The following NATD1 variants were observed in gnomAD, a reference collection of about 807,000 sequenced individuals.
NATD1 encodes N-acetyltransferase domain containing 1.
A neutral mutation model predicts 12.0 loss-of-function variants in NATD1; 9 were observed. That is an observed-to-expected ratio of 0.75 (90% CI 0.45 to 1.30). NATD1 has a LOEUF of 1.30. Ranked by LOEUF, NATD1 falls within the 50% of genes most tolerant of loss-of-function variation. The probability of loss-of-function intolerance (pLI) is 0.00; values close to 1 mark genes in which losing one functional copy is unlikely to be tolerated. For missense variants in NATD1, 148 were observed against 148.5 expected, an observed-to-expected ratio of 1.00 and a Z score of 0.02; for synonymous variants, 71 against 65.9, an observed-to-expected ratio of 1.08 and a Z score of -0.37.
Position 21,243,317 on chromosome 17 carries a change from G to C in NATD1, c.338C>G (p.Pro113Arg). 6.2e-7 allele frequency: 1 copy of C among 1,611,892 alleles called. No individual in the cohort carries two copies. Among genetic ancestry groups the C allele is most frequent in the Non-Finnish European group, 8.5e-7 (1 of 1,179,806 alleles). The change falls in exon 3 of 3, where the codon CCG (proline) becomes CGG (arginine). Residue 113 changes from proline (P) to arginine (R), a missense_variant. Pro to Arg is a moderately radical substitution (Grantham distance 103). Coordinates refer to ENST00000611551, the MANE Select transcript of NATD1 (RefSeq NM_152914.3). Reference protein sequence around the residue: ...PLPQYLERLQP With the variant: ...PLPQYLERLQR ...GCTCCCGCCTGCAGGCCAGGGTTAC[G>C]GCTGCAGGCGCTCCAGGTACTGCGG...
intron 1 of NATD1, among the ~76,000 whole-genome samples, chr17:21,247,427 G>C (rs1455917750): frequency 6.6e-6 from 1 of 152,086 alleles, no homozygotes; most frequent in Non-Finnish European, 1.5e-5. Context: ...AGCGTGTGCA[G>C]CCCCAGCACA....
In NATD1 at chr17:21,244,079, C is replaced by T. The variant is rs778324380; in HGVS notation, c.225+27G>A. 1 of 1,593,890 alleles carries T rather than the reference C, an allele frequency of 6.3e-7. No individual in the cohort carries two copies. Among genetic ancestry groups the T allele is most frequent in the South Asian group, 1.1e-5 (1 of 88,562 alleles). On this transcript the variant is annotated intron_variant, in intron 2 of 2. Coordinates refer to ENST00000611551, the MANE Select transcript of NATD1 (RefSeq NM_152914.3). The surrounding 1 kb of genome is among the most constrained non-coding windows in gnomAD (Gnocchi z 5.2). ...GGCAGCCCCCATGTCCCCGTCCCCG[C>T]TTGGCCCTGCCACCTGCCTGCCCTA...
rs750511471 is a variant in NATD1, at chr17:21,243,376, C to A, written c.279G>T (p.Trp93Cys). 2 of 1,613,574 alleles carry A rather than the reference C, an allele frequency of 1.2e-6. No homozygotes were observed. Among genetic ancestry groups the A allele is most frequent in the Non-Finnish European group, 8.5e-7 (1 of 1,179,972 alleles). ...TCTCCTTGACGTACTTCTGGATGTA[C>A]CAGCAGGTGAGATGGGCCTTCAGGT... ...EEDLKAHLTC[W>C]YIQKYVKENP... Residue 93 changes from tryptophan to cysteine, a missense_variant, in exon 3 of 3, where the codon TGG becomes TGT. By Grantham distance (215) the Trp-to-Cys change is radical. Coordinates refer to ENST00000611551, the MANE Select transcript of NATD1 (RefSeq NM_152914.3).
intron 1 of NATD1, among the ~76,000 whole-genome samples, chr17:21,249,199 G>A (rs900955994): frequency 6.6e-6 from 1 of 152,152 alleles, no homozygotes; most frequent in Admixed American, 6.5e-5. Context: ...GACCCCGCAA[G>A]GAGAGCTGGC....
intron 1 of NATD1, among the ~76,000 whole-genome samples, chr17:21,251,445 G>GC: frequency 6.6e-6 from 1 of 152,256 alleles, no homozygotes; most frequent in South Asian, 2.1e-4. Flanking sequence ...AGTCGCCAGG[G>GC]CCCCGAGTGT....
chr17:21,243,623 C>T (rs568428079), intron 2 of NATD1, among the ~76,000 whole-genome samples, 194 bp from the exon 3 acceptor site: 2 of 152,296 alleles, frequency 1.3e-5, no homozygotes, highest in South Asian at 4.1e-4. Flanking sequence ...AAACACATCA[C>T]CTCTCCCCTA....
At position 21,239,111 on chromosome 17, in the gene NATD1, A is replaced by C. The variant is rs1333284958; in HGVS notation, c.*4202T>G. On this transcript the variant is annotated 3_prime_UTR_variant, in exon 3 of 3. Transcript: ENST00000611551. ...CAAGAACCCTGAACTGAGGAAGAGC[A>C]GTGTGAGTACATGGTCAGGGGCTCC... 1 of 152,148 alleles carries C rather than the reference A, an allele frequency of 6.6e-6. No homozygotes were observed. Among genetic ancestry groups the C allele is most frequent in the East Asian group, 1.9e-4 (1 of 5,196 alleles). 9.4% of individuals were successfully genotyped at this position (152,148 alleles called of 1,614,324 possible). A position where few individuals can be genotyped will look rare whatever the true frequency, so the allele number is the denominator to read the frequency against.
At chr17:21,250,996 A>T (rs1975369966) in intron 1 of NATD1, among the ~76,000 whole-genome samples, 1 of 152,014 alleles carries the variant, frequency 6.6e-6, no homozygotes, top group Admixed American at 6.6e-5. Context: ...CTGGGCTCAG[A>T]CTCAGACGAC....
intron 1 of NATD1, among the ~76,000 whole-genome samples, chr17:21,252,796 C>A (rs1464534943): frequency 6.6e-6 from 1 of 152,156 alleles, no homozygotes; most frequent in South Asian, 2.1e-4. Context: ...TGGGCCTGAG[C>A]AGGTGCGGGT....
chr17:21,243,489 T>C (rs769023571), intron 2 of NATD1, 60 bp from the exon 3 acceptor site: 35 of 1,362,860 alleles, frequency 2.6e-5, no homozygotes, highest in East Asian at 1.1e-4. Context: ...GAAGGTAGCA[T>C]TGTCTGCTGC....
intron 1 of NATD1, among the ~76,000 whole-genome samples, chr17:21,251,310 A>AC (rs1356346483): frequency 6.6e-6 from 1 of 151,744 alleles, no homozygotes; most frequent in Non-Finnish European, 1.5e-5. Context: ...AAAAAAAAAA[A>AC]ACAAACGTAT....
intron 1 of NATD1, among the ~76,000 whole-genome samples, chr17:21,251,304 A>AC (rs1450009885): frequency 2.6e-5 from 4 of 151,726 alleles, no homozygotes; most frequent in African/African-American, 4.8e-5. Flanking sequence ...AAAAAAAAAA[A>AC]AAAAAAACAA....
chr17:21,243,090 A>C lies in NATD1; in HGVS notation c.*223T>G, dbSNP rs975950225. The C allele has an allele frequency of 4.0e-6, 2 of 502,314 alleles. No individual in the cohort carries two copies. The highest frequency in any genetic ancestry group is 3.8e-5 in the African/African-American group (2 of 52,066). The allele number at this position is 502,314 out of a possible 1,614,324, so 31.1% of individuals were successfully genotyped here. On this transcript the variant is annotated 3_prime_UTR_variant, in exon 3 of 3. Transcript: ENST00000611551. ...AAGCCGCTGGTCTCTGCAGAGTGAGAGGTGCCGGGACTACCTGGCCTCCTT... is the reference window on the plus strand; with the variant it reads ...AAGCCGCTGGTCTCTGCAGAGTGAGCGGTGCCGGGACTACCTGGCCTCCTT...
chr17:21,252,555 G>GA (rs1245540775), intron 1 of NATD1, among the ~76,000 whole-genome samples: 1 of 152,184 alleles, frequency 6.6e-6, no homozygotes, highest in African/African-American at 2.4e-5. Flanking sequence ...CAGAGCCACT[G>GA]AAGTCTTGAT....
Position 21,240,588 on chromosome 17 carries a change from G to C in NATD1, c.*2725C>G, listed in dbSNP as rs1053979192. ...CGCCGGCCCTGAGGAGGGAAGGCAC[G>C]AGTCACTGCCTATTTTGACCCGGCA... On this transcript the variant is annotated 3_prime_UTR_variant, in exon 3 of 3. Transcript: ENST00000611551. 4 of 152,628 alleles carry C rather than the reference G, an allele frequency of 2.6e-5. No individual in the cohort carries two copies. In the East Asian group the frequency reaches 7.7e-4, roughly 29 times the overall value. 9.5% of individuals were successfully genotyped at this position (152,628 alleles called of 1,614,324 possible). A position where few individuals can be genotyped will look rare whatever the true frequency, so the allele number is the denominator to read the frequency against.
chr17:21,245,699 C>A (rs1317871314), intron 1 of NATD1, among the ~76,000 whole-genome samples: 1 of 152,218 alleles, frequency 6.6e-6, no homozygotes, highest in African/African-American at 2.4e-5. Context: ...TTCTGCTCCA[C>A]CGACACACCT....
chr17:21,242,348 A>C lies in NATD1; in HGVS notation c.*965T>G, dbSNP rs1292637875. 6.6e-6 allele frequency: 1 copy of C among 152,262 alleles called. No homozygotes were observed. The allele number at this position is 152,262 out of a possible 1,614,324, so 9.4% of individuals were successfully genotyped here. On this transcript the variant is annotated 3_prime_UTR_variant, in exon 3 of 3. Coordinates refer to ENST00000611551, the MANE Select transcript of NATD1 (RefSeq NM_152914.3). ...TAGCCAGCCACAAAAGAGGACACTGATGTCTGGCAGCAGCACAGAAACCCC... is the reference window on the plus strand; with the variant it reads ...TAGCCAGCCACAAAAGAGGACACTGCTGTCTGGCAGCAGCACAGAAACCCC...
Position 21,244,029 on chromosome 17 carries a change from G to A in NATD1, c.225+77C>T. ...GAAGCAGGCTGAAGTGGCCACCAGG[G>A]CCACCGTCTCCTCGGAGCGAAGGTG... is the stretch of plus-strand genomic sequence containing the variant. On this transcript the variant is annotated intron_variant, in intron 2 of 2. Coordinates refer to ENST00000611551, the MANE Select transcript of NATD1 (RefSeq NM_152914.3). The surrounding 1 kb of genome is among the most constrained non-coding windows in gnomAD (Gnocchi z 5.2). The A allele has an allele frequency of 7.4e-7, 1 of 1,346,596 alleles. No individual in the cohort carries two copies. The highest frequency in any genetic ancestry group is 1.0e-6 in the Non-Finnish European group (1 of 979,256). 83.4% of individuals were successfully genotyped at this position (1,346,596 alleles called of 1,614,324 possible). A position where few individuals can be genotyped will look rare whatever the true frequency, so the allele number is the denominator to read the frequency against.
intron 1 of NATD1, among the ~76,000 whole-genome samples, chr17:21,245,875 T>C (rs1490116833): frequency 6.6e-6 from 1 of 152,084 alleles, no homozygotes. Flanking sequence ...TGACTGTCCT[T>C]CTGTGGACTA....
Sources: allele counts gnomAD v4.1 joint callset (sites outside exome capture counted in the v4.1 genomes callset), GRCh38; gene constraint gnomAD v4.1.1; non-coding constraint Gnocchi (gnomAD v3.1); transcripts MANE v1.5; gene names NCBI Gene and HGNC (gene_info 2026-07-23, HGNC 2026-07-21).